Variants in SLC1A2 observed in about 807,000 individuals in gnomAD.
The protein encoded by SLC1A2 is excitatory amino acid transporter 2.
Under a neutral mutation model 48.8 loss-of-function variants are expected in SLC1A2, and 15 were observed. The observed-to-expected ratio is 0.31, with a 90% CI of 0.21 to 0.47. The LOEUF is 0.47. Among genes scored for constraint, SLC1A2 ranks in the 20% least tolerant of loss-of-function variants. The pLI is 0.99. For synonymous variants in SLC1A2, 279 were observed against 272.6 expected, an observed-to-expected ratio of 1.02 and a Z score of -0.23; for missense variants, 502 against 730.5, an observed-to-expected ratio of 0.69 and a Z score of 3.61.
chr11:35,362,193 C>A (rs1416176500), intron 1 of SLC1A2, among the ~76,000 whole-genome samples: 1 of 152,166 alleles, frequency 6.6e-6, no homozygotes, highest in Non-Finnish European at 1.5e-5. Context: ...TGGCCTGATG[C>A]AGAGCTCTGC....
intron 9 of SLC1A2, among the ~76,000 whole-genome samples, chr11:35,274,776 T>A (rs1850387062): frequency 6.6e-6 from 1 of 152,266 alleles, no homozygotes; most frequent in Non-Finnish European, 1.5e-5. Context: ...AGTTGCTTCA[T>A]AATCTGCTGT....
intron 7 of SLC1A2, among the ~76,000 whole-genome samples, chr11:35,290,647 G>C (rs372049675): frequency 6.8e-6 from 1 of 147,930 alleles, no homozygotes; most frequent in Admixed American, 6.8e-5. Flanking sequence ...TTATGAGCCT[G>C]GTATGAGATA....
chr11:35,315,767 T>C (rs1185309964), intron 2 of SLC1A2: 1 of 132,984 alleles, frequency 7.5e-6, no homozygotes, highest in African/African-American at 2.9e-5. Flanking sequence ...TGCACTCCAG[T>C]GTGAGCAACA....
chr11:35,332,018 C>A (rs572077441), intron 1 of SLC1A2, among the ~76,000 whole-genome samples: 1 of 152,072 alleles, frequency 6.6e-6, no homozygotes, highest in South Asian at 2.1e-4. Flanking sequence ...CCTCTGACAG[C>A]GAGTGGCAGG....
chr11:35,326,277 G>A (rs1323123645), intron 1 of SLC1A2, among the ~76,000 whole-genome samples: 1 of 152,158 alleles, frequency 6.6e-6, no homozygotes, highest in Non-Finnish European at 1.5e-5. Context: ...TCCAAAATGT[G>A]GTCCTTCTGC....
intron 9 of SLC1A2, among the ~76,000 whole-genome samples, chr11:35,272,333 G>A (rs1341960933): frequency 3.3e-5 from 5 of 152,188 alleles, no homozygotes; most frequent in Non-Finnish European, 7.3e-5. Flanking sequence ...GACGTTAAAG[G>A]GGATCTGTTA....
chr11:35,257,141 C>G lies in SLC1A2; in HGVS notation c.*3753G>C, dbSNP rs559393658. 6.6e-6 allele frequency: 1 copy of G among 152,144 alleles called. No individual in the cohort carries two copies. Among genetic ancestry groups the G allele is most frequent in the Non-Finnish European group, 1.5e-5 (1 of 68,024 alleles). 9.4% of individuals were successfully genotyped at this position (152,144 alleles called of 1,614,324 possible). ...ACTTTGCTCCAAAAGGGCTTCTTGA[C>G]TAGATACATATGCAAATGATGTATT... On this transcript the variant is annotated 3_prime_UTR_variant, in exon 11 of 11. Transcript: ENST00000278379.
At chr11:35,337,091 C>T (rs1050088205) in intron 1 of SLC1A2, among the ~76,000 whole-genome samples, 2 of 152,096 alleles carry the variant, frequency 1.3e-5, no homozygotes, top group Admixed American at 1.3e-4. Context: ...AAAATATCCA[C>T]CTCCTAAACT....
chr11:35,392,892 A>G (rs531211922), intron 1 of SLC1A2, among the ~76,000 whole-genome samples: 1 of 152,344 alleles, frequency 6.6e-6, no homozygotes, highest in East Asian at 1.9e-4. Flanking sequence ...TATTAAGCAC[A>G]CCAGGGCTTA....
At position 35,255,769 on chromosome 11, in the gene SLC1A2, T is replaced by A. The variant is rs1467070170; in HGVS notation, c.*5125A>T. 1 of 152,194 alleles carries A rather than the reference T, an allele frequency of 6.6e-6. No individual in the cohort carries two copies. Among genetic ancestry groups the A allele is most frequent in the Non-Finnish European group, 1.5e-5 (1 of 68,030 alleles). 9.4% of individuals were successfully genotyped at this position (152,194 alleles called of 1,614,324 possible). A position where few individuals can be genotyped will look rare whatever the true frequency, so the allele number is the denominator to read the frequency against. On this transcript the variant is annotated 3_prime_UTR_variant, in exon 11 of 11. Coordinates refer to ENST00000278379, the MANE Select transcript of SLC1A2 (RefSeq NM_004171.4). ...CCGTGAGCCAAATCACTACTTCTAT[T>A]AGGAAGGTGAGTTTAAGTCAAGGGA...
chr11:35,301,750 G>A (rs1851364399), intron 5 of SLC1A2, 105 bp from the exon 6 acceptor site: 1 of 1,009,948 alleles, frequency 9.9e-7, no homozygotes. Context: ...TCTCACTGCT[G>A]GTTACCCTAT....
At chr11:35,282,199 C>T (rs992688811) in intron 8 of SLC1A2, among the ~76,000 whole-genome samples, 1 of 152,106 alleles carries the variant, frequency 6.6e-6, no homozygotes, top group Non-Finnish European at 1.5e-5. Flanking sequence ...CCCAACCACA[C>T]CCTTCCCCTC....
intron 1 of SLC1A2, among the ~76,000 whole-genome samples, chr11:35,397,250 G>A (rs1854993265): frequency 6.7e-6 from 1 of 148,358 alleles, no homozygotes; most frequent in South Asian, 2.2e-4. Context: ...AACAAAGCCG[G>A]AGGCATCACG....
chr11:35,304,054 C>A (rs545541704), intron 5 of SLC1A2, among the ~76,000 whole-genome samples: 1 of 152,132 alleles, frequency 6.6e-6, no homozygotes, highest in Non-Finnish European at 1.5e-5. Flanking sequence ...GGATGGAAAC[C>A]GTATTCAGCT....
chr11:35,389,000 T>C (rs894833940), intron 1 of SLC1A2, among the ~76,000 whole-genome samples: 11 of 152,340 alleles, frequency 7.2e-5, no homozygotes, highest in African/African-American at 2.2e-4. Flanking sequence ...TGTTCACTAT[T>C]TGGGTAACGG....
intron 1 of SLC1A2, among the ~76,000 whole-genome samples, chr11:35,386,494 G>C (rs1012599289): frequency 6.6e-6 from 1 of 152,192 alleles, no homozygotes; most frequent in African/African-American, 2.4e-5. Flanking sequence ...GCATCAATAT[G>C]TTACTACTCA....
chr11:35,278,186 A>G (rs1850503966), intron 9 of SLC1A2, among the ~76,000 whole-genome samples: 1 of 151,578 alleles, frequency 6.6e-6, no homozygotes, highest in East Asian at 1.9e-4. Flanking sequence ...GAAGGAGCCA[A>G]TCAGGAAAAT....
intron 1 of SLC1A2, among the ~76,000 whole-genome samples, chr11:35,343,433 C>A (rs928018089): frequency 6.6e-6 from 1 of 152,166 alleles, no homozygotes; most frequent in Non-Finnish European, 1.5e-5. Context: ...TTTCCAGGAA[C>A]CTTCATGAAT....
intron 1 of SLC1A2, among the ~76,000 whole-genome samples, chr11:35,408,877 A>G (rs10742347): frequency 0.58 from 87,693 of 152,074 alleles, 25,642 homozygotes; most frequent in Middle Eastern, 0.69. Context: ...TCGATCTGCC[A>G]TGGTAAATAA....
Sources: allele counts gnomAD v4.1 joint callset (sites outside exome capture counted in the v4.1 genomes callset), GRCh38; gene constraint gnomAD v4.1.1; transcripts MANE v1.5; gene names NCBI Gene and HGNC (gene_info 2026-07-23, HGNC 2026-07-21).